RYR3: variants seen among roughly 807,000 people sequenced by gnomAD.
RYR3 encodes the protein brain ryanodine receptor-calcium release channel.
Under a neutral mutation model 584.3 loss-of-function variants are expected in RYR3, and 207 were observed. That is an observed-to-expected ratio of 0.35 (90% confidence interval 0.32 to 0.40). The LOEUF is 0.40. Ranked by LOEUF, RYR3 falls within the 10% of genes least tolerant of loss-of-function variation. The pLI is 1.00. For synonymous variants in RYR3, 2,416 were observed against 2,248.5 expected (o/e 1.07, Z -2.11); for missense variants, 5,616 against 6,089.2 (o/e 0.92, Z 2.59).
At chr15:33,636,355 C>T (rs750483941) in intron 26 of RYR3, 21 bp from the exon 27 acceptor site, 1 of 1,611,870 alleles carries the variant, frequency 6.2e-7, no homozygotes, top group South Asian at 1.1e-5. Flanking sequence ...TTTCTCTAAG[C>T]CCTAGAGTCT....
intron 60 of RYR3, among the ~76,000 whole-genome samples, chr15:33,761,333 T>C (rs2072419075): frequency 6.6e-6 from 1 of 151,608 alleles, no homozygotes; most frequent in Non-Finnish European, 1.5e-5. Context: ...TTTGAAAAGA[T>C]TAACAAAATA....
At chr15:33,656,704 C>T (rs11072589) in intron 32 of RYR3, among the ~76,000 whole-genome samples, 26,326 of 152,050 alleles carry the variant, frequency 0.17, 2,833 homozygotes, top group East Asian at 0.23. Flanking sequence ...GATTATGGGT[C>T]TTAGGTCGTA....
intron 16 of RYR3, among the ~76,000 whole-genome samples, chr15:33,598,831 A>G (rs932983447): frequency 6.6e-6 from 1 of 152,116 alleles, no homozygotes; most frequent in South Asian, 2.1e-4. Flanking sequence ...AGGCGGGTGG[A>G]TCACAAGGTC....
At chr15:33,582,829 C>T (rs1202192199) in intron 14 of RYR3, among the ~76,000 whole-genome samples, 1 of 152,094 alleles carries the variant, frequency 6.6e-6, no homozygotes, top group Non-Finnish European at 1.5e-5. Context: ...AAGCTGAGGC[C>T]CTAGAGGAGG....
intron 3 of RYR3, among the ~76,000 whole-genome samples, chr15:33,515,895 T>C (rs566139217): frequency 7.9e-5 from 12 of 152,206 alleles, no homozygotes; most frequent in Non-Finnish European, 1.8e-4. Context: ...TTTGCGTATG[T>C]GTGTGTGTGC....
At chr15:33,764,512 C>T (rs1288939779) in intron 60 of RYR3, among the ~76,000 whole-genome samples, 4 of 151,238 alleles carry the variant, frequency 2.6e-5, no homozygotes, top group Non-Finnish European at 2.9e-5. Flanking sequence ...ACTACCATGG[C>T]GCGTGTATAC....
chr15:33,694,040 A>G (rs560053028), intron 38 of RYR3, among the ~76,000 whole-genome samples: 1 of 152,244 alleles, frequency 6.6e-6, no homozygotes, highest in Admixed American at 6.5e-5. Flanking sequence ...TGAAAATCTC[A>G]AAAGTTTTGT....
intron 1 of RYR3, among the ~76,000 whole-genome samples, chr15:33,366,243 A>G (rs554972365): frequency 8.5e-5 from 13 of 152,250 alleles, no homozygotes; most frequent in African/African-American, 2.6e-4. Flanking sequence ...ATTATTTACT[A>G]TTGATTGTCA....
chr15:33,785,612 C>T (rs759655560), intron 65 of RYR3, 50 bp from the exon 66 acceptor site: 6 of 1,415,414 alleles, frequency 4.2e-6, no homozygotes, highest in Non-Finnish European at 1.9e-6. Flanking sequence ...AGGAAGCTTG[C>T]ACCCACTGTG....
intron 3 of RYR3, among the ~76,000 whole-genome samples, chr15:33,528,406 G>A (rs554467243): frequency 6.6e-6 from 1 of 152,268 alleles, no homozygotes; most frequent in South Asian, 2.1e-4. Context: ...TCTTACTATG[G>A]AGGTGTGTCA....
At chr15:33,823,696 T>C (rs1284933839) in intron 81 of RYR3, among the ~76,000 whole-genome samples, 3 of 152,146 alleles carry the variant, frequency 2.0e-5, no homozygotes, top group Non-Finnish European at 1.5e-5. Flanking sequence ...ACATAAATAA[T>C]ATATAATCCA....
At chr15:33,540,740 C>T (rs948365712) in intron 6 of RYR3, 51 bp from the exon 7 acceptor site, 11 of 1,132,600 alleles carry the variant, frequency 9.7e-6, no homozygotes, top group African/African-American at 6.1e-5. Context: ...CTGTTTCTGT[C>T]GGCACTGGAC....
At chr15:33,344,157 A>C (rs2140866375) in intron 1 of RYR3, among the ~76,000 whole-genome samples, 1 of 152,330 alleles carries the variant, frequency 6.6e-6, no homozygotes, top group African/African-American at 2.4e-5. Context: ...AAAGCAAATG[A>C]AAACTCATTG....
chr15:33,409,404 G>T (rs752704020), intron 1 of RYR3, among the ~76,000 whole-genome samples: 1 of 150,268 alleles, frequency 6.7e-6, no homozygotes, highest in African/African-American at 2.4e-5. Context: ...CCTAGATTCC[G>T]CTCTCTCTGC....
intron 2 of RYR3, among the ~76,000 whole-genome samples, chr15:33,490,116 T>A (rs2050842588): frequency 6.6e-6 from 1 of 152,240 alleles, no homozygotes; most frequent in African/African-American, 2.4e-5. Context: ...TTCATCTAAA[T>A]TATTTCAGGG....
chr15:33,854,989 A>G, intron 98 of RYR3, 77 bp downstream of exon 98: 4 of 1,334,656 alleles, frequency 3.0e-6, no homozygotes, highest in Non-Finnish European at 4.0e-6. Flanking sequence ...AGTATACAGT[A>G]TATGACAGGA....
Position 33,530,585 on chromosome 15 carries a change from C to T in RYR3, c.280-7C>T, listed in dbSNP as rs2304386. On this transcript the variant is annotated splice_polypyrimidine_tract_variant and splice_region_variant and intron_variant, in intron 3 of 103. Coordinates refer to ENST00000634891, the MANE Select transcript of RYR3 (RefSeq NM_001036.6). The stretch of plus-strand genomic sequence containing the variant: ...TGTGCTGACCTTATTCTTCCTCATT[C>T]CCACAGGCAGCACAAGGAGGTGGCC... The T allele has an allele frequency of 4.4e-6, 7 of 1,607,828 alleles. No individual in the cohort carries two copies. Among genetic ancestry groups the T allele is most frequent in the Non-Finnish European group, 4.3e-6 (5 of 1,174,668 alleles).
chr15:33,818,654 A>G lies in RYR3; in HGVS notation c.10676A>G (p.Tyr3559Cys), dbSNP rs750462398. Residue 3559 changes from tyrosine (Y) to cysteine (C), a missense_variant, in exon 76 of 104, where the codon TAT becomes TGT. Physicochemically the swap from Tyr to Cys is radical, Grantham distance 194 (BLOSUM62 -2). Coordinates refer to ENST00000634891, the MANE Select transcript of RYR3 (RefSeq NM_001036.6). ...GACCCACTACATCAGATCATTCTCT[A>G]TTTTAGCCGCAACGCTCTCACGGAG... ...QPDPLHQIIL[Y>C]FSRNALTERS... 9.3e-6 allele frequency: 15 copies of G among 1,613,786 alleles called. No individual in the cohort carries two copies. The highest frequency in any genetic ancestry group is 1.3e-5 in the African/African-American group (1 of 74,924).
chr15:33,650,046 C>T (rs374108711), intron 31 of RYR3, among the ~76,000 whole-genome samples: 2 of 152,212 alleles, frequency 1.3e-5, no homozygotes, highest in African/African-American at 2.4e-5. Flanking sequence ...AGAGGTGAGT[C>T]ACAGTCACTG....
Sources: gnomAD v4.1 joint callset for allele counts (sites outside exome capture counted in the v4.1 genomes callset) on GRCh38, gnomAD v4.1.1 for gene constraint, MANE v1.5 for transcripts, NCBI Gene and HGNC (gene_info 2026-07-23, HGNC 2026-07-21) for gene names.